SPOCK3: variants seen among roughly 807,000 people sequenced by gnomAD.
The protein encoded by SPOCK3 is testican-3.
SPOCK3 carries 30 observed loss-of-function variants against 56.6 expected under a neutral mutation model. The observed-to-expected ratio is 0.53, with a 90% CI of 0.40 to 0.72. The LOEUF (loss-of-function observed/expected upper bound fraction) is 0.72. Among genes scored for constraint, SPOCK3 ranks in the 30% least tolerant of loss-of-function variants. The pLI, the probability that SPOCK3 is intolerant of heterozygous loss-of-function variation, is 0.00. For synonymous variants in SPOCK3, 196 were observed against 183.3 expected (o/e 1.07, Z -0.56); for missense variants, 527 against 530.0 (o/e 0.99, Z 0.06).
chr4:166,766,196 T>C lies in SPOCK3; in HGVS notation c.710-11467A>G, dbSNP rs182651570. Among the ~76,000 whole-genome samples, 4 of 152,312 alleles carry C rather than the reference T, an allele frequency of 2.6e-5. No homozygotes were observed. The East Asian group carries it at 7.7e-4, about 29-fold the overall frequency. The stretch of plus-strand genomic sequence containing the variant: ...CCCTTTATTTCTTCCTCCTGCCTGA[T>C]TGCCCTGGCCTGAAATTCCAACACT... On this transcript the variant is annotated intron_variant, in intron 7 of 10. Transcript: ENST00000357545.
intron 2 of SPOCK3, among the ~76,000 whole-genome samples, chr4:167,190,608 T>C (rs1359736772): frequency 6.9e-6 from 1 of 145,920 alleles, no homozygotes; most frequent in African/African-American, 2.6e-5. Flanking sequence ...AGAAGCTTTT[T>C]ATTCTGATGT....
chr4:166,854,810 A>G (rs1052440386), intron 6 of SPOCK3, among the ~76,000 whole-genome samples: 1 of 152,168 alleles, frequency 6.6e-6, no homozygotes, highest in East Asian at 1.9e-4. Context: ...AATACATACA[A>G]TCCCTGAGCA....
intron 6 of SPOCK3, among the ~76,000 whole-genome samples, chr4:166,858,980 A>C (rs987995623): frequency 1.3e-5 from 2 of 152,162 alleles, no homozygotes; most frequent in African/African-American, 4.8e-5. Flanking sequence ...GGAGCTGAAA[A>C]ATTTGTATCC....
chr4:166,744,106 T>C (rs1560810087), intron 8 of SPOCK3, among the ~76,000 whole-genome samples: 1 of 152,134 alleles, frequency 6.6e-6, no homozygotes, highest in Non-Finnish European at 1.5e-5. Flanking sequence ...AAGAGAGCAG[T>C]GGTTCTCCCA....
chr4:166,919,470 C>G (rs1361028980), intron 4 of SPOCK3, among the ~76,000 whole-genome samples: 1 of 152,142 alleles, frequency 6.6e-6, no homozygotes, highest in Non-Finnish European at 1.5e-5. Flanking sequence ...CAATAGGCAT[C>G]ACGACAAATG....
intron 2 of SPOCK3, among the ~76,000 whole-genome samples, chr4:167,219,175 T>C (rs1735655681): frequency 6.6e-6 from 1 of 152,192 alleles, no homozygotes; most frequent in Admixed American, 6.6e-5. Context: ...GAGGAGAATA[T>C]CAGATGTTGC....
chr4:167,220,796 T>C (rs12505330), intron 2 of SPOCK3, among the ~76,000 whole-genome samples: 20,221 of 152,120 alleles, frequency 0.13, 1,674 homozygotes, highest in African/African-American at 0.22. Context: ...TTGCCAAATA[T>C]AGTACCTCTG....
At chr4:167,222,553 TAATA>T (rs1014401565) in intron 2 of SPOCK3, among the ~76,000 whole-genome samples, 21 of 143,612 alleles carry the variant, frequency 1.5e-4, no homozygotes, top group Non-Finnish European at 2.9e-4. Context: ...TATGAATATA[TAATA>T]TATATACATG....
chr4:167,199,273 T>C (rs1457286450), intron 2 of SPOCK3, among the ~76,000 whole-genome samples: 1 of 150,986 alleles, frequency 6.6e-6, no homozygotes, highest in East Asian at 1.9e-4. Context: ...ATTTAGTAGA[T>C]GTAGTGTTCC....
chr4:166,967,374 C>T (rs1466720403), intron 4 of SPOCK3, among the ~76,000 whole-genome samples: 1 of 152,096 alleles, frequency 6.6e-6, no homozygotes, highest in Non-Finnish European at 1.5e-5. Context: ...GGCTCTGTGT[C>T]CACCAACCCA....
intron 7 of SPOCK3, among the ~76,000 whole-genome samples, chr4:166,766,789 T>C (rs1738135112): frequency 6.6e-6 from 1 of 152,212 alleles, no homozygotes; most frequent in Admixed American, 6.5e-5. Flanking sequence ...GTACCTCTGG[T>C]AGAATTTGGC....
At chr4:167,070,837 G>A (rs116799441) in intron 2 of SPOCK3, among the ~76,000 whole-genome samples, 1,848 of 151,992 alleles carry the variant, frequency 0.012, 21 homozygotes, top group Non-Finnish European at 0.018. Context: ...AGCTTTGTCT[G>A]GGTATAAAGG....
At chr4:166,982,932 C>T (rs906464286) in intron 4 of SPOCK3, among the ~76,000 whole-genome samples, 1 of 152,136 alleles carries the variant, frequency 6.6e-6, no homozygotes, top group Non-Finnish European at 1.5e-5. Flanking sequence ...GATTTATCAA[C>T]CCCTCTTCCC....
chr4:167,147,528 C>T (rs1231844368), intron 2 of SPOCK3, among the ~76,000 whole-genome samples: 1 of 152,150 alleles, frequency 6.6e-6, no homozygotes, highest in African/African-American at 2.4e-5. Flanking sequence ...TATTATGACA[C>T]TGTTCGCAAT....
chr4:166,987,112 T>A (rs2150104724), intron 4 of SPOCK3, among the ~76,000 whole-genome samples: 1 of 152,246 alleles, frequency 6.6e-6, no homozygotes, highest in Admixed American at 6.5e-5. Flanking sequence ...ATTCAAAACC[T>A]CCTTTACACA....
At chr4:167,063,405 C>T (rs569850420) in intron 2 of SPOCK3, among the ~76,000 whole-genome samples, 115 of 151,816 alleles carry the variant, frequency 7.6e-4, no homozygotes, top group Non-Finnish European at 1.6e-3. Flanking sequence ...GGTAACCTGC[C>T]AAAAGAGAGT....
chr4:166,738,457 G>A (rs1159013751), intron 9 of SPOCK3, among the ~76,000 whole-genome samples: 1 of 150,538 alleles, frequency 6.6e-6, no homozygotes, highest in Non-Finnish European at 1.5e-5. Context: ...TTTACTCTAT[G>A]GTTTTTTTTT....
intron 2 of SPOCK3, among the ~76,000 whole-genome samples, chr4:167,123,740 C>CT (rs901846399): frequency 0.14 from 16,482 of 118,308 alleles, 1,224 homozygotes; most frequent in Middle Eastern, 0.2. Flanking sequence ...CATTTCTTTT[C>CT]TTTTTTTTTT....
At chr4:167,087,517 T>TC (rs1758309583) in intron 2 of SPOCK3, among the ~76,000 whole-genome samples, 1 of 152,172 alleles carries the variant, frequency 6.6e-6, no homozygotes, top group African/African-American at 2.4e-5. Context: ...ACAAATCTTA[T>TC]CCCCAGAACA....
Sources: gnomAD v4.1 joint callset for allele counts (sites outside exome capture counted in the v4.1 genomes callset) on GRCh38, gnomAD v4.1.1 for gene constraint, MANE v1.5 for transcripts, NCBI Gene and HGNC (gene_info 2026-07-23, HGNC 2026-07-21) for gene names.